Variants in LPP observed in about 807,000 individuals in gnomAD.
The protein encoded by LPP is LIM domain containing preferred translocation partner in lipoma, also known as lipoma-preferred partner.
In LPP, 38 loss-of-function variants were observed where a neutral mutation model predicts 60.4. That is an observed-to-expected ratio of 0.63 (90% CI 0.49 to 0.83). The LOEUF is 0.83. Among genes scored for constraint, LPP ranks in the 40% least tolerant of loss-of-function variants. LPP has a pLI of 0.00. For missense variants in LPP, 902 were observed against 783.6 expected (o/e 1.15, Z -1.80); for synonymous variants, 328 against 290.8 (o/e 1.13, Z -1.30).
chr3:188,380,547 T>A (rs766133335), intron 3 of LPP, among the ~76,000 whole-genome samples: 2 of 152,232 alleles, frequency 1.3e-5, no homozygotes, highest in Non-Finnish European at 2.9e-5. Flanking sequence ...CCGAGGGTAG[T>A]TGGCCTGTGT....
At chr3:188,512,423 G>A (rs778581326) in intron 5 of LPP, among the ~76,000 whole-genome samples, 3 of 152,006 alleles carry the variant, frequency 2.0e-5, no homozygotes, top group Non-Finnish European at 2.9e-5. Flanking sequence ...GTGTTGGCAC[G>A]CACTTGTAAT....
rs185330931 is a variant in LPP at position 188,376,192 on chromosome 3, G to A, written c.-9-29920G>A. On this transcript the variant is annotated intron_variant, in intron 3 of 11. Coordinates refer to ENST00000617246, the MANE Select transcript of LPP (RefSeq NM_001375462.1). ...AAAATGTGTATTCTGTCGATTTGGG[G>A]TGGAGAGTTCTGTAGATGTCTATTA... is the stretch of plus-strand genomic sequence containing the variant. 1.3e-4 allele frequency among the ~76,000 whole-genome samples: 20 copies of A among 152,166 alleles called. No individual in the cohort carries two copies. In the East Asian group the frequency reaches 1.9e-3, roughly 15 times the overall value.
intron 1 of LPP, among the ~76,000 whole-genome samples, chr3:188,205,563 T>C (rs1732975206): frequency 6.6e-6 from 1 of 152,246 alleles, no homozygotes; most frequent in Non-Finnish European, 1.5e-5. Context: ...ATTACAGGCC[T>C]GAGCCACTGC....
At chr3:188,774,769 C>T (rs1470080765) in intron 9 of LPP, among the ~76,000 whole-genome samples, 1 of 152,072 alleles carries the variant, frequency 6.6e-6, no homozygotes, top group East Asian at 1.9e-4. Flanking sequence ...GGGGAGGGAG[C>T]AAGCCCACTA....
chr3:188,694,967 G>A (rs1159713808), intron 7 of LPP, among the ~76,000 whole-genome samples: 2 of 152,170 alleles, frequency 1.3e-5, no homozygotes, highest in Non-Finnish European at 2.9e-5. Context: ...TTGAGAGACT[G>A]AGGCACTTTT....
At chr3:188,783,052 T>C (rs187597729) in intron 9 of LPP, among the ~76,000 whole-genome samples, 21 of 152,274 alleles carry the variant, frequency 1.4e-4, no homozygotes, top group African/African-American at 4.3e-4. Flanking sequence ...TCTCCATGTA[T>C]CTCTGGTCCC....
At chr3:188,416,771 C>A (rs1786396605) in intron 4 of LPP, among the ~76,000 whole-genome samples, 1 of 152,156 alleles carries the variant, frequency 6.6e-6, no homozygotes, top group Admixed American at 6.6e-5. Context: ...AAAATGGATT[C>A]TTCGAGAATG....
At chr3:188,753,640 T>G (rs1728895450) in intron 8 of LPP, among the ~76,000 whole-genome samples, 1 of 151,796 alleles carries the variant, frequency 6.6e-6, no homozygotes, top group Admixed American at 6.6e-5. Context: ...TTTTTTTACT[T>G]TACCTTAATT....
intron 2 of LPP, among the ~76,000 whole-genome samples, chr3:188,235,782 A>G (rs1210011674): frequency 6.6e-6 from 1 of 152,078 alleles, no homozygotes; most frequent in Non-Finnish European, 1.5e-5. Context: ...TCCTCCAACC[A>G]CCATCCCCTA....
chr3:188,837,309 G>A (rs1758701965), intron 9 of LPP, among the ~76,000 whole-genome samples: 1 of 151,680 alleles, frequency 6.6e-6, no homozygotes, highest in Admixed American at 6.6e-5. Context: ...AACCTGGGAG[G>A]TGGAAGTTGC....
At chr3:188,869,163 G>A (rs1462357692) in intron 10 of LPP, among the ~76,000 whole-genome samples, 1 of 152,236 alleles carries the variant, frequency 6.6e-6, no homozygotes, top group African/African-American at 2.4e-5. Context: ...GGTTCTCTGT[G>A]TTCAGGGAGA....
At chr3:188,719,192 C>T (rs17614816) in intron 8 of LPP, among the ~76,000 whole-genome samples, 9,794 of 152,124 alleles carry the variant, frequency 0.064, 394 homozygotes, top group Non-Finnish European at 0.096. Flanking sequence ...GGTCACATTT[C>T]CTCCACCTGT....
intron 8 of LPP, among the ~76,000 whole-genome samples, chr3:188,722,556 A>G (rs969645314): frequency 6.6e-6 from 1 of 152,198 alleles, no homozygotes; most frequent in Non-Finnish European, 1.5e-5. Flanking sequence ...TTTGTTATAC[A>G]GTCTTGAGAA....
At chr3:188,811,912 C>T (rs969776636) in intron 9 of LPP, among the ~76,000 whole-genome samples, 2 of 152,034 alleles carry the variant, frequency 1.3e-5, no homozygotes, top group African/African-American at 4.8e-5. Context: ...TATAGACATG[C>T]AATGCATAAT....
In LPP at chr3:188,760,443, C is replaced by T. The variant is rs556153198; in HGVS notation, c.1410+161C>T. ...GTGTGTGTGTGTGTGTGTGCGTGCG[C>T]GCATGTAAATTAGCATATTGTAATT... On this transcript the variant is annotated intron_variant, in intron 9 of 11. Coordinates refer to ENST00000617246, the MANE Select transcript of LPP (RefSeq NM_001375462.1). 1.9e-3 allele frequency among the ~76,000 whole-genome samples: 121 copies of T among 64,310 alleles called. 1 individual carries two copies. Among genetic ancestry groups the T allele is most frequent in the African/African-American group, 4.9e-3 (70 of 14,188 alleles). The allele number at this position is 64,310 out of a possible 152,430, so 42.2% of individuals were successfully genotyped here. A position where few individuals can be genotyped will look rare whatever the true frequency, so the allele number is the denominator to read the frequency against.
chr3:188,583,298 C>T (rs1836682977), intron 6 of LPP, among the ~76,000 whole-genome samples: 1 of 152,106 alleles, frequency 6.6e-6, no homozygotes, highest in African/African-American at 2.4e-5. Flanking sequence ...CGCTTATGCA[C>T]CATGCTATAG....
chr3:188,845,126 T>G (rs959182572), intron 9 of LPP, among the ~76,000 whole-genome samples: 4 of 152,326 alleles, frequency 2.6e-5, no homozygotes, highest in South Asian at 4.1e-4. Flanking sequence ...AGCTCCAGAA[T>G]TTTTTACCAA....
At chr3:188,449,033 A>G (rs1033842755) in intron 4 of LPP, among the ~76,000 whole-genome samples, 3 of 152,240 alleles carry the variant, frequency 2.0e-5, no homozygotes, top group African/African-American at 7.2e-5. Context: ...GTGACACACT[A>G]GTCAAGGTTG....
chr3:188,664,216 C>A (rs1855253723), intron 7 of LPP, among the ~76,000 whole-genome samples: 1 of 152,170 alleles, frequency 6.6e-6, no homozygotes, highest in Admixed American at 6.5e-5. Flanking sequence ...TATTGTATAT[C>A]TTTAATGAAA....
Sources: gnomAD v4.1 joint callset for allele counts (sites outside exome capture counted in the v4.1 genomes callset) on GRCh38, gnomAD v4.1.1 for gene constraint, MANE v1.5 for transcripts, NCBI Gene and HGNC (gene_info 2026-07-23, HGNC 2026-07-21) for gene names.